The following BBX variants were observed in gnomAD, a reference collection of about 807,000 sequenced individuals.
BBX encodes the protein HMG box transcription factor BBX.
Under a neutral mutation model 100.2 loss-of-function variants are expected in BBX, and 30 were observed. That is an observed-to-expected ratio of 0.30 (90% CI 0.22 to 0.41). BBX has a LOEUF of 0.41. Among genes scored for constraint, BBX ranks in the 10% least tolerant of loss-of-function variants. The pLI, the probability that BBX is intolerant of heterozygous loss-of-function variation, is 1.00. For missense variants in BBX, 1,023 were observed against 1,129.8 expected (o/e 0.91, Z 1.35); for synonymous variants, 376 against 388.1 (o/e 0.97, Z 0.37).
chr3:107,734,790 C>T (rs541825279), intron 7 of BBX, among the ~76,000 whole-genome samples: 2 of 152,222 alleles, frequency 1.3e-5, no homozygotes, highest in African/African-American at 4.8e-5. Flanking sequence ...GCCTTTTGGG[C>T]TCTTTTCAAT....
intron 2 of BBX, among the ~76,000 whole-genome samples, chr3:107,586,806 AATGGTGCG>A (rs2052880070): frequency 6.6e-6 from 1 of 151,652 alleles, no homozygotes; most frequent in Non-Finnish European, 1.5e-5. Flanking sequence ...GCTAGAGTGC[AATGGTGCG>A]ATCTCAGCTC....
intron 2 of BBX, among the ~76,000 whole-genome samples, chr3:107,571,791 C>T (rs899042794): frequency 6.6e-6 from 1 of 152,208 alleles, no homozygotes; most frequent in Non-Finnish European, 1.5e-5. Context: ...TGGGTGCAGG[C>T]GGGCTGAGTC....
At chr3:107,670,708 A>C (rs912149642) in intron 3 of BBX, among the ~76,000 whole-genome samples, 1 of 152,138 alleles carries the variant, frequency 6.6e-6, no homozygotes, top group Non-Finnish European at 1.5e-5. Context: ...TGTTGAATAC[A>C]CTTGACTGGA....
rs1188606110 is a variant in BBX at position 107,805,446 on chromosome 3, G to A, written c.2815G>A (p.Ala939Thr). ...GCAGGCTCCTGTACTTATTTCCTGC[G>A]CTGACCAGTGAAGCGCCCTTTCATT... is the stretch of plus-strand genomic sequence containing the variant. ...MPQAPVLISC[A>T]DQ The change falls in exon 18 of 18, where the codon GCT becomes ACT. Residue 939 changes from alanine (A) to threonine (T), a missense_variant. Coordinates refer to ENST00000325805, the MANE Select transcript of BBX (RefSeq NM_001142568.3). The A allele has an allele frequency of 3.7e-6, 6 of 1,614,082 alleles. No individual in the cohort carries two copies. Among genetic ancestry groups the A allele is most frequent in the Non-Finnish European group, 5.1e-6 (6 of 1,179,986 alleles).
At chr3:107,572,916 A>G (rs1472028318) in intron 2 of BBX, among the ~76,000 whole-genome samples, 1 of 152,212 alleles carries the variant, frequency 6.6e-6, no homozygotes, top group Admixed American at 6.5e-5. Context: ...TTCTTGGCTT[A>G]TTTAAAAATT....
chr3:107,678,596 C>T (rs184705245), intron 3 of BBX, among the ~76,000 whole-genome samples: 44 of 151,992 alleles, frequency 2.9e-4, no homozygotes, highest in Middle Eastern at 3.4e-3. Context: ...TGGTGGTGCA[C>T]GCCTGTAGTC....
intron 2 of BBX, among the ~76,000 whole-genome samples, chr3:107,579,861 G>A (rs1257698814): frequency 6.6e-6 from 1 of 152,096 alleles, no homozygotes. Flanking sequence ...CATTAGAAAG[G>A]TACCTATGAT....
Position 107,579,727 on chromosome 3 carries a change from C to A in BBX, c.-84+53329C>A, listed in dbSNP as rs184248144. On this transcript the variant is annotated intron_variant, in intron 2 of 17. Transcript: ENST00000325805. The stretch of plus-strand genomic sequence containing the variant: ...AGACGTTAAAGGAGTTTAATCCTCA[C>A]TGTTGGTAATAGTTTGTTCTTCCCC... Among the ~76,000 whole-genome samples the A allele has an allele frequency of 2.6e-5, 4 of 152,310 alleles. No individual in the cohort carries two copies. The East Asian group carries it at 7.7e-4, about 29-fold the overall frequency.
chr3:107,581,430 T>C (rs2052271979), intron 2 of BBX, among the ~76,000 whole-genome samples: 1 of 151,890 alleles, frequency 6.6e-6, no homozygotes, highest in African/African-American at 2.4e-5. Context: ...CTGTGATCTT[T>C]CATTTGTGTC....
intron 3 of BBX, among the ~76,000 whole-genome samples, chr3:107,687,048 T>C (rs1405792722): frequency 2.0e-5 from 3 of 152,166 alleles, no homozygotes; most frequent in Non-Finnish European, 4.4e-5. Flanking sequence ...TCAATATACT[T>C]TCTAAATAGA....
chr3:107,588,337 G>A (rs568065349), intron 2 of BBX, among the ~76,000 whole-genome samples: 1 of 147,832 alleles, frequency 6.8e-6, no homozygotes, highest in Admixed American at 6.6e-5. Flanking sequence ...CACAAAGTAA[G>A]GGGGGGCCTG....
At chr3:107,655,456 C>G (rs558201130) in intron 3 of BBX, among the ~76,000 whole-genome samples, 6 of 149,046 alleles carry the variant, frequency 4.0e-5, no homozygotes, top group Non-Finnish European at 7.4e-5. Flanking sequence ...AAGGAGATAT[C>G]GTATGATTCT....
chr3:107,801,341 T>G (rs1332841632), intron 17 of BBX, 60 bp downstream of exon 17: 16 of 1,552,442 alleles, frequency 1.0e-5, no homozygotes, highest in Non-Finnish European at 1.4e-5. Context: ...CTCTTTGATG[T>G]GATTTGTGAC....
chr3:107,637,853 A>G (rs1256096833), intron 2 of BBX, among the ~76,000 whole-genome samples: 3 of 151,332 alleles, frequency 2.0e-5, no homozygotes, highest in East Asian at 3.9e-4. Context: ...AGTTTCTTGG[A>G]TTCCTTCTTT....
chr3:107,731,671 C>T (rs1043603829), intron 6 of BBX, among the ~76,000 whole-genome samples: 3 of 151,986 alleles, frequency 2.0e-5, no homozygotes, highest in Non-Finnish European at 2.9e-5. Flanking sequence ...TTCCCCCAAC[C>T]CCTGCCCCTT....
chr3:107,613,951 T>TG (rs2055048938), intron 2 of BBX, among the ~76,000 whole-genome samples: 1 of 114,956 alleles, frequency 8.7e-6, no homozygotes, highest in Non-Finnish European at 1.7e-5. Flanking sequence ...GTTTTTTTTT[T>TG]TTTTTTTTTT....
chr3:107,634,410 G>A (rs2056734513), intron 2 of BBX, among the ~76,000 whole-genome samples: 1 of 152,146 alleles, frequency 6.6e-6, no homozygotes, highest in South Asian at 2.1e-4. Flanking sequence ...TATTAAAATA[G>A]CTTTGGAGAG....
chr3:107,600,689 T>A (rs2054000133), intron 2 of BBX, among the ~76,000 whole-genome samples: 1 of 152,206 alleles, frequency 6.6e-6, no homozygotes, highest in Non-Finnish European at 1.5e-5. Context: ...TCTCAAATAT[T>A]TGTAAACAGG....
intron 2 of BBX, among the ~76,000 whole-genome samples, chr3:107,543,834 G>A (rs1445019468): frequency 6.6e-6 from 1 of 152,174 alleles, no homozygotes; most frequent in Non-Finnish European, 1.5e-5. Flanking sequence ...TTGATGAGGA[G>A]AAAAGAAGTT....
Sources: allele counts gnomAD v4.1 joint callset (sites outside exome capture counted in the v4.1 genomes callset), GRCh38; gene constraint gnomAD v4.1.1; transcripts MANE v1.5; gene names NCBI Gene and HGNC (gene_info 2026-07-23, HGNC 2026-07-21).